Variants in SLC44A2 observed in about 807,000 individuals in gnomAD.
SLC44A2 encodes choline transporter-like protein 2.
Under a neutral mutation model 90.8 loss-of-function variants are expected in SLC44A2, and 57 were observed. The observed-to-expected ratio is 0.63, with a 90% CI of 0.51 to 0.78. The LOEUF is 0.78. SLC44A2 is among the 30% of genes least tolerant of loss of function. SLC44A2 has a pLI of 0.00. For synonymous variants in SLC44A2, 355 were observed against 360.7 expected (o/e 0.98, Z 0.18); for missense variants, 794 against 919.7 (o/e 0.86, Z 1.77).
chr19:10,639,724 T>C (rs1263705426), intron 20 of SLC44A2, among the ~76,000 whole-genome samples: 1 of 152,000 alleles, frequency 6.6e-6, no homozygotes, highest in Non-Finnish European at 1.5e-5. Flanking sequence ...ACAAAAAAAA[T>C]ACAAAAATTA....
chr19:10,642,340 AG>A (rs962557018), intron 20 of SLC44A2, 26 bp from the exon 21 acceptor site: 1 of 1,604,878 alleles, frequency 6.2e-7, no homozygotes, highest in African/African-American at 1.3e-5. Flanking sequence ...GACACGGAGC[AG>A]GGACAGCTCG....
In SLC44A2 at chr19:10,635,031, A is replaced by ATTCCG; in HGVS notation, c.1013_1014insTTCCG (p.Lys338AsnfsTer185). 1 of 1,614,118 alleles carries ATTCCG rather than the reference A, an allele frequency of 6.2e-7. No homozygotes were observed. The highest frequency in any genetic ancestry group is 1.1e-5 in the South Asian group (1 of 91,078). ...ATCTTGCTGCTCATCTTTCTCCGGA[A>ATTCCG]GAGAATTCTCATCGCGATTGCACTC... is the stretch of plus-strand genomic sequence containing the variant. On this transcript the variant is annotated frameshift_variant, in exon 12 of 22. Coordinates refer to ENST00000335757, the MANE Select transcript of SLC44A2 (RefSeq NM_020428.4). LOFTEE classifies it high-confidence loss of function.
intron 4 of SLC44A2, among the ~76,000 whole-genome samples, chr19:10,629,899 G>A (rs992995537): frequency 1.1e-4 from 16 of 151,792 alleles, no homozygotes; most frequent in Non-Finnish European, 1.8e-4. Context: ...GATTACAGGT[G>A]CCCGCCACCA....
chr19:10,641,093 G>GAA (rs571498102), intron 20 of SLC44A2: 20,223 of 362,868 alleles, frequency 0.056, 280 homozygotes, highest in Middle Eastern at 0.11. Flanking sequence ...TCTCAGGAGG[G>GAA]AAAAAAAAAA....
chr19:10,607,414 G>T (rs945558552), intron 1 of SLC44A2, among the ~76,000 whole-genome samples: 2 of 151,820 alleles, frequency 1.3e-5, no homozygotes, highest in African/African-American at 4.8e-5. Context: ...GCAGTGGTGC[G>T]ATCATAGCTC....
chr19:10,612,887 C>A (rs1918346004), intron 1 of SLC44A2, among the ~76,000 whole-genome samples: 1 of 152,216 alleles, frequency 6.6e-6, no homozygotes, highest in Non-Finnish European at 1.5e-5. Context: ...TCTCCCAGTA[C>A]CTGCCAAGGA....
At chr19:10,614,896 G>A (rs1292493393) in intron 1 of SLC44A2, among the ~76,000 whole-genome samples, 28 of 150,732 alleles carry the variant, frequency 1.9e-4, no homozygotes, top group Middle Eastern at 6.8e-3. Flanking sequence ...TCTTGAACCC[G>A]GGAGGTAGAG....
At chr19:10,606,518 A>G (rs1918108084) in intron 1 of SLC44A2, among the ~76,000 whole-genome samples, 1 of 152,060 alleles carries the variant, frequency 6.6e-6, no homozygotes, top group African/African-American at 2.4e-5. Flanking sequence ...TCTACTAAAA[A>G]TACAAAAATT....
chr19:10,642,904 C>T lies in SLC44A2; in HGVS notation c.2015-375C>T. 5.0e-6 allele frequency: 8 copies of T among 1,591,078 alleles called. No individual in the cohort carries two copies. The South Asian group carries it at 7.8e-5, about 16-fold the overall frequency. On this transcript the variant is annotated intron_variant, in intron 21 of 21. Coordinates refer to ENST00000335757, the MANE Select transcript of SLC44A2 (RefSeq NM_020428.4). ...TTCCCGGGGGGAGCCCAGGTGAGGACCTGGAAAGGAATGACGGCTCTCAGG... is the reference window on the plus strand; with the variant it reads ...TTCCCGGGGGGAGCCCAGGTGAGGATCTGGAAAGGAATGACGGCTCTCAGG...
intron 10 of SLC44A2, among the ~76,000 whole-genome samples, chr19:10,633,971 C>CTTTTTTTTTTT (rs1599252391): frequency 2.2e-5 from 1 of 45,986 alleles, no homozygotes; most frequent in African/African-American, 1.6e-4. Context: ...AACCCCATCT[C>CTTTTTTTTTTT]TATTTTTTTT....
chr19:10,617,661 A>C (rs2066866341), intron 1 of SLC44A2, among the ~76,000 whole-genome samples: 1 of 152,124 alleles, frequency 6.6e-6, no homozygotes, highest in African/African-American at 2.4e-5. Context: ...CCACGTACTC[A>C]TCAAACCTAG....
At chr19:10,602,773 C>A (rs1002103590) in intron 1 of SLC44A2, among the ~76,000 whole-genome samples, 1 of 152,146 alleles carries the variant, frequency 6.6e-6, no homozygotes, top group Non-Finnish European at 1.5e-5. Context: ...GCTCCCCCTC[C>A]GGCTGATGGG....
chr19:10,638,232 CT>C lies in SLC44A2; in HGVS notation c.1847del (p.Leu616ArgfsTer28). The part of the protein sequence containing the change: ...KLLIVGSVGI[L>X]AFFFFTHRIR... Reference sequence around the variant, plus strand: ...GCTTTCTTCTCCTTCTCCAGGGATCCTGGCTTTCTTCTTCTTCACCCACCGT... The same window carrying C: ...GCTTTCTTCTCCTTCTCCAGGGATCCGGCTTTCTTCTTCTTCACCCACCGT... On this transcript the variant is annotated frameshift_variant, in exon 20 of 22. Coordinates refer to ENST00000335757, the MANE Select transcript of SLC44A2 (RefSeq NM_020428.4). LOFTEE classifies it high-confidence loss of function. 1 of 1,614,088 alleles carries C rather than the reference CT, an allele frequency of 6.2e-7. No individual in the cohort carries two copies. The highest frequency in any genetic ancestry group is 8.5e-7 in the Non-Finnish European group (1 of 1,180,028).
At chr19:10,635,573 G>T in intron 14 of SLC44A2, 58 bp downstream of exon 14, 1 of 1,475,516 alleles carries the variant, frequency 6.8e-7, no homozygotes, top group South Asian at 1.2e-5. Flanking sequence ...CAGATGATTT[G>T]AAACCTCTCA....
chr19:10,614,711 C>T (rs998421882), intron 1 of SLC44A2, among the ~76,000 whole-genome samples: 10 of 152,004 alleles, frequency 6.6e-5, no homozygotes, highest in Non-Finnish European at 1.3e-4. Context: ...TGGCTCACGC[C>T]GATAATCCCA....
chr19:10,636,408 G>A lies in SLC44A2; in HGVS notation c.1319G>A (p.Arg440Gln), dbSNP rs376838278. 13 of 1,613,928 alleles carry A rather than the reference G, an allele frequency of 8.1e-6. No individual in the cohort carries two copies. Among genetic ancestry groups the A allele is most frequent in the Admixed American group, 3.3e-5 (2 of 59,978 alleles). ...AFYGGESGYH[R>Q]ALLGLQIFNA... ...TACGGTGGTGAGTCGGGCTACCACC[G>A]GGCCCTGCTGGGCCTGCAGATCTTC... Residue 440 changes from arginine to glutamine, a missense_variant, in exon 15 of 22, where the codon CGG becomes CAG. Physicochemically the swap from Arg to Gln is conservative, Grantham distance 43. This residue lies in a region of SLC44A2 where 738 missense variants were observed against 841.1 expected (regional missense o/e 0.88). Coordinates refer to ENST00000335757, the MANE Select transcript of SLC44A2 (RefSeq NM_020428.4).
rs148167135 is a variant in SLC44A2, at chr19:10,631,901, C to G, written c.660C>G (p.Leu220=). Residue 220 remains leucine, a synonymous_variant, in exon 9 of 22, where the codon CTC becomes CTG. Coordinates refer to ENST00000335757, the MANE Select transcript of SLC44A2 (RefSeq NM_020428.4). The part of the protein sequence containing the change: ...KANGVLEARQ[L]AMRIFEDYTV... ...ATGGAGTCCTAGAGGCGCGGCAACTCGCCATGCGCATATTTGAAGATTACA... is the reference window on the plus strand; with the variant it reads ...ATGGAGTCCTAGAGGCGCGGCAACTGGCCATGCGCATATTTGAAGATTACA... The G allele has an allele frequency of 6.2e-7, 1 of 1,614,236 alleles. No individual in the cohort carries two copies. The highest frequency in any genetic ancestry group is 8.5e-7 in the Non-Finnish European group (1 of 1,180,044).
chr19:10,635,454 C>T lies in SLC44A2; in HGVS notation c.1172C>T (p.Ala391Val), dbSNP rs760591742. The part of the protein sequence containing the change: ...TAVFLSTSNE[A>V]VYKIFDDSPC... ...AGCTTCCTGTCCACTTCCAACGAAG[C>T]GGTCTATAAGATCTTTGATGACAGC... Residue 391 changes from alanine (A) to valine (V), a missense_variant, in exon 14 of 22, where the codon GCG becomes GTG. Physicochemically the swap from Ala to Val is moderately conservative, Grantham distance 64. This residue lies in a region of SLC44A2 where 738 missense variants were observed against 841.1 expected (regional missense o/e 0.88). Coordinates refer to ENST00000335757, the MANE Select transcript of SLC44A2 (RefSeq NM_020428.4). 1.2e-5 allele frequency: 20 copies of T among 1,614,010 alleles called. No homozygotes were observed. Among genetic ancestry groups the T allele is most frequent in the African/African-American group, 4.0e-5 (3 of 74,926 alleles).
At chr19:10,619,059 C>T (rs1164082346) in intron 1 of SLC44A2, among the ~76,000 whole-genome samples, 1 of 150,298 alleles carries the variant, frequency 6.7e-6, no homozygotes, top group Non-Finnish European at 1.5e-5. Context: ...GAACCTGAAC[C>T]TCCTGGGCTG....
Sources: gnomAD v4.1 joint callset for allele counts (sites outside exome capture counted in the v4.1 genomes callset) on GRCh38, gnomAD v4.1.1 for gene constraint, gnomAD v4.1.1 regional missense constraint, MANE v1.5 for transcripts, NCBI Gene and HGNC (gene_info 2026-07-23, HGNC 2026-07-21) for gene names.